Variants in IL6ST observed in about 807,000 individuals in gnomAD.
IL6ST encodes interleukin-6 receptor subunit beta.
Under a neutral mutation model 91.3 loss-of-function variants are expected in IL6ST, and 24 were observed. That is an observed-to-expected ratio of 0.26 (90% CI 0.19 to 0.37). IL6ST has a LOEUF of 0.37. Ranked by LOEUF, IL6ST falls within the 10% of genes least tolerant of loss-of-function variation. The pLI is 1.00. For synonymous variants in IL6ST, 351 were observed against 373.6 expected, an observed-to-expected ratio of 0.94 and a Z score of 0.70; for missense variants, 914 against 1,078.5, an observed-to-expected ratio of 0.85 and a Z score of 2.14.
chr5:55,947,366 T>C, intron 15 of IL6ST, 127 bp downstream of exon 15: 1 of 640,826 alleles, frequency 1.6e-6, no homozygotes, highest in East Asian at 2.8e-5. Context: ...ATGGTGGTAG[T>C]TATACATCTG....
chr5:55,981,952 G>C (rs1753699921), intron 2 of IL6ST, among the ~76,000 whole-genome samples: 2 of 152,216 alleles, frequency 1.3e-5, no homozygotes, highest in South Asian at 4.1e-4. Context: ...ACATGGTAGT[G>C]TGCCGAAAGG....
chr5:55,949,093 T>C (rs186659114), intron 14 of IL6ST: 3 of 152,280 alleles, frequency 2.0e-5, no homozygotes, highest in Non-Finnish European at 4.4e-5. Context: ...ACAAATATGT[T>C]ATTTTGGGGT....
chr5:55,941,158 T>C lies in IL6ST; in HGVS notation c.2681A>G (p.Glu894Gly). 1 of 1,614,074 alleles carries C rather than the reference T, an allele frequency of 6.2e-7. No homozygotes were observed. The highest frequency in any genetic ancestry group is 8.5e-7 in the Non-Finnish European group (1 of 1,179,928). ...QVERFETVGM[E>G]AATDEGMPKS... Reference sequence around the variant, plus strand: ...AGGCATGCCTTCATCAGTCGCAGCCTCCATGCCAACTGTTTCAAATCTTTC... The same window carrying C: ...AGGCATGCCTTCATCAGTCGCAGCCCCCATGCCAACTGTTTCAAATCTTTC... The change falls in exon 17 of 17, where the codon GAG (glutamate) becomes GGG (glycine). Residue 894 changes from glutamate to glycine, a missense_variant. Physicochemically the swap from Glu to Gly is moderately conservative, Grantham distance 98 (BLOSUM62 -2). Coordinates refer to ENST00000381298, the MANE Select transcript of IL6ST (RefSeq NM_002184.4).
At chr5:55,963,254 A>C (rs1353603347) in intron 7 of IL6ST, 98 bp downstream of exon 7, 1 of 845,514 alleles carries the variant, frequency 1.2e-6, no homozygotes, top group African/African-American at 1.7e-5. Flanking sequence ...TATTTCACAT[A>C]ACCAGAAACT....
chr5:55,988,504 C>T (rs762935736), intron 1 of IL6ST, among the ~76,000 whole-genome samples: 47 of 151,674 alleles, frequency 3.1e-4, no homozygotes, highest in Non-Finnish European at 5.3e-4. Flanking sequence ...CGGTGGCTCA[C>T]GCCTATAATC....
chr5:55,963,744 CAA>C (rs1752474956), intron 6 of IL6ST, among the ~76,000 whole-genome samples: 2 of 151,718 alleles, frequency 1.3e-5, no homozygotes, highest in Admixed American at 1.3e-4. Flanking sequence ...GTTCATATGT[CAA>C]AAGACAAATA....
At chr5:55,955,035 A>C (rs772766541) in intron 10 of IL6ST, 43 bp from the exon 11 acceptor site, 2 of 1,320,718 alleles carry the variant, frequency 1.5e-6, no homozygotes, top group East Asian at 2.4e-5. Flanking sequence ...AATATTAACA[A>C]ATTTGAAATT....
At chr5:55,976,514 T>G (rs1753299722) in intron 2 of IL6ST, among the ~76,000 whole-genome samples, 1 of 152,220 alleles carries the variant, frequency 6.6e-6, no homozygotes, top group Admixed American at 6.5e-5. Context: ...ACTTTAAGGT[T>G]AATTAAAAGA....
chr5:55,950,785 C>T (rs1227792190), intron 14 of IL6ST, among the ~76,000 whole-genome samples: 5 of 151,564 alleles, frequency 3.3e-5, no homozygotes, highest in African/African-American at 1.2e-4. Context: ...GAGTTTGAGA[C>T]CAGCCATCTC....
Position 55,951,611 on chromosome 5 carries a change from G to C in IL6ST, c.1700-7C>G, listed in dbSNP as rs779838977. 28 of 1,608,332 alleles carry C rather than the reference G, an allele frequency of 1.7e-5. No individual in the cohort carries two copies. Among genetic ancestry groups the C allele is most frequent in the Non-Finnish European group, 2.3e-5 (27 of 1,178,240 alleles). On this transcript the variant is annotated splice_polypyrimidine_tract_variant and splice_region_variant and intron_variant, in intron 13 of 16. Coordinates refer to ENST00000381298, the MANE Select transcript of IL6ST (RefSeq NM_002184.4). Reference sequence around the variant, plus strand: ...GAAGAATCCACATTCACAGCTGGAAGAAATAAGAACTGTGCTTCATTCAAC... The same window carrying C: ...GAAGAATCCACATTCACAGCTGGAACAAATAAGAACTGTGCTTCATTCAAC...
intron 1 of IL6ST, among the ~76,000 whole-genome samples, chr5:55,990,945 C>G (rs1164469221): frequency 2.0e-5 from 3 of 148,804 alleles, no homozygotes; most frequent in South Asian, 4.4e-4. Flanking sequence ...TGTGTCCAAG[C>G]GTTCTCATTG....
chr5:55,941,499 G>A lies in IL6ST; in HGVS notation c.2340C>T (p.Ser780=), dbSNP rs142623813. 1.8e-4 allele frequency: 294 copies of A among 1,614,058 alleles called. 2 individuals are homozygous for A. The African/African-American group carries it at 3.3e-3, about 18-fold the overall frequency. ...AATCTAACAAGGGCTGGGTAGACTC[G>A]GATCTTGAGAAGACTTGGACTGACG... The part of the protein sequence containing the change: ...QVPSVQVFSR[S]ESTQPLLDSE... Residue 780 remains serine (S), a synonymous_variant, in exon 17 of 17, where the codon TCC becomes TCT. Transcript: ENST00000381298.
chr5:55,986,312 C>A (rs1753967746), intron 1 of IL6ST, among the ~76,000 whole-genome samples: 1 of 152,266 alleles, frequency 6.6e-6, no homozygotes, highest in Non-Finnish European at 1.5e-5. Context: ...GATAAATTGA[C>A]CCTTTTATCA....
Position 55,937,170 on chromosome 5 carries a change from A to G in IL6ST, c.*3912T>C, listed in dbSNP as rs1378246837. Reference sequence around the variant, plus strand: ...GACAAAGCCTGTGTTCAAGAAATAAAAAAAACATCTATCACTATCGGCCTT... The same window carrying G: ...GACAAAGCCTGTGTTCAAGAAATAAGAAAAACATCTATCACTATCGGCCTT... On this transcript the variant is annotated 3_prime_UTR_variant, in exon 17 of 17. Transcript: ENST00000381298. 2.8e-5 allele frequency: 6 copies of G among 212,958 alleles called. No homozygotes were observed. Among genetic ancestry groups the G allele is most frequent in the Non-Finnish European group, 5.7e-5 (6 of 105,230 alleles). The allele number at this position is 212,958 out of a possible 1,614,324, so 13.2% of individuals were successfully genotyped here.
chr5:55,992,285 T>C (rs1461488602), intron 1 of IL6ST, among the ~76,000 whole-genome samples: 4 of 152,206 alleles, frequency 2.6e-5, no homozygotes, highest in African/African-American at 9.6e-5. Flanking sequence ...ATAGACTTTC[T>C]GGTATGATCT....
chr5:55,968,765 G>T (rs556378872), intron 4 of IL6ST, among the ~76,000 whole-genome samples: 11 of 152,280 alleles, frequency 7.2e-5, no homozygotes, highest in Admixed American at 7.2e-4. Flanking sequence ...AAGCCAAAAT[G>T]ATTCATTTAT....
rs1212628378 is a variant in IL6ST at position 55,959,620 on chromosome 5, A to G, written c.973+782T>C. ...TATAGGAGAAAAAAGGAAAATAAAA[A>G]CTAACCAACCAAAATTCCAGGATCA... is the stretch of plus-strand genomic sequence containing the variant. On this transcript the variant is annotated intron_variant, in intron 8 of 16. Coordinates refer to ENST00000381298, the MANE Select transcript of IL6ST (RefSeq NM_002184.4). 3 of 1,289,098 alleles carry G rather than the reference A, an allele frequency of 2.3e-6. No homozygotes were observed. In the Admixed American group the frequency reaches 6.9e-5, roughly 30 times the overall value. 79.9% of individuals were successfully genotyped at this position (1,289,098 alleles called of 1,614,324 possible). A position where few individuals can be genotyped will look rare whatever the true frequency, so the allele number is the denominator to read the frequency against.
At chr5:55,982,375 T>G (rs1481062968) in intron 2 of IL6ST, among the ~76,000 whole-genome samples, 5 of 152,228 alleles carry the variant, frequency 3.3e-5, no homozygotes, top group Non-Finnish European at 7.4e-5. Flanking sequence ...TAATGCTTGT[T>G]GAATTAATAA....
Position 55,942,658 on chromosome 5 carries a change from A to ATTTT in IL6ST, c.2019+8_2019+11dup. 1 of 1,510,296 alleles carries ATTTT rather than the reference A, an allele frequency of 6.6e-7. No individual in the cohort carries two copies. Among genetic ancestry groups the ATTTT allele is most frequent in the Non-Finnish European group, 9.2e-7 (1 of 1,087,994 alleles). 93.6% of individuals were successfully genotyped at this position (1,510,296 alleles called of 1,614,324 possible). ...TGTATATTATAAACAACTCAGAAGCATTTTCTCTTACCCTTGGAGGAGTGT... is the reference window on the plus strand; with the variant it reads ...TGTATATTATAAACAACTCAGAAGCATTTTTTTTCTCTTACCCTTGGAGGAGTGT... On this transcript the variant is annotated intron_variant, in intron 16 of 16. Transcript: ENST00000381298.
Sources: gnomAD v4.1 joint callset for allele counts (sites outside exome capture counted in the v4.1 genomes callset) on GRCh38, gnomAD v4.1.1 for gene constraint, MANE v1.5 for transcripts, NCBI Gene and HGNC (gene_info 2026-07-23, HGNC 2026-07-21) for gene names.